ZNF555: variants seen among roughly 807,000 people sequenced by gnomAD.
The protein encoded by ZNF555 is zinc finger protein 555.
A neutral mutation model predicts 14.0 loss-of-function variants in ZNF555; 10 were observed. That is an observed-to-expected ratio of 0.72 (90% CI 0.44 to 1.21). The LOEUF (loss-of-function observed/expected upper bound fraction) is 1.21, where lower values mean the gene tolerates loss of function less well. Ranked by LOEUF, ZNF555 falls within the 50% of genes most tolerant of loss-of-function variation. The pLI, the probability that ZNF555 is intolerant of heterozygous loss-of-function variation, is 0.00. For synonymous variants in ZNF555, 277 were observed against 262.4 expected (o/e 1.06, Z -0.54); for missense variants, 747 against 762.0 (o/e 0.98, Z 0.23).
intron 3 of ZNF555, 93 bp downstream of exon 3, chr19:2,851,744 C>A: frequency 8.7e-7 from 1 of 1,149,406 alleles, no homozygotes; most frequent in Non-Finnish European, 1.2e-6. Flanking sequence ...AAAACTCATC[C>A]AAGCCTAGCT....
rs2087676381 is a variant in ZNF555 at position 2,855,556 on chromosome 19, C to CAAGAA, written c.*1612_*1616dup. ...ACGGGGAAAGACTCCATCACACAAG[C>CAAGAA]AAGAAAAGAAAAAAAAATCCTATTT... is the stretch of plus-strand genomic sequence containing the variant. On this transcript the variant is annotated 3_prime_UTR_variant, in exon 4 of 4. Transcript: ENST00000334241. The CAAGAA allele has an allele frequency of 6.6e-6, 1 of 151,198 alleles. No homozygotes were observed. The highest frequency in any genetic ancestry group is 1.5e-5 in the Non-Finnish European group (1 of 67,806). The allele number at this position is 151,198 out of a possible 1,614,324, so 9.4% of individuals were successfully genotyped here. A position where few individuals can be genotyped will look rare whatever the true frequency, so the allele number is the denominator to read the frequency against.
intron 1 of ZNF555, among the ~76,000 whole-genome samples, chr19:2,846,647 G>A (rs1006704105): frequency 2.6e-5 from 4 of 152,218 alleles, no homozygotes; most frequent in Admixed American, 2.0e-4. Context: ...AGTCCACGCC[G>A]TTGGGATCTG....
rs202164293 is a variant in ZNF555 at position 2,851,620 on chromosome 19, G to T, written c.283G>T (p.Asp95Tyr). 47 of 1,597,552 alleles carry T rather than the reference G, an allele frequency of 2.9e-5. No homozygotes were observed. The highest frequency in any genetic ancestry group is 3.8e-5 in the Non-Finnish European group (45 of 1,174,784). The change falls in exon 3 of 4, where the codon GAT becomes TAT. Residue 95 changes from aspartate to tyrosine, a missense_variant. By Grantham distance (160) the Asp-to-Tyr change is radical (BLOSUM62 -3). Coordinates refer to ENST00000334241, the MANE Select transcript of ZNF555 (RefSeq NM_152791.5). Reference sequence around the variant, plus strand: ...AATTTGGGACAGTCTTAGCATCGAAGATCAAACCACAAACCAGGGGAGAAA... The same window carrying T: ...AATTTGGGACAGTCTTAGCATCGAATATCAAACCACAAACCAGGGGAGAAA... ...GKIWDSLSIE[D>Y]QTTNQGRNLS...
chr19:2,847,263 C>T (rs2087589310), intron 1 of ZNF555: 1 of 152,186 alleles, frequency 6.6e-6, no homozygotes, highest in African/African-American at 2.4e-5. Context: ...CACCATAATT[C>T]AGTCTCTCCC....
intron 1 of ZNF555, among the ~76,000 whole-genome samples, chr19:2,846,902 C>G (rs1489978266): frequency 2.6e-5 from 4 of 152,196 alleles, no homozygotes; most frequent in Admixed American, 2.6e-4. Flanking sequence ...CTAGAAACTA[C>G]TACTTCACAT....
At chr19:2,849,727 A>G (rs551304792) in intron 1 of ZNF555, among the ~76,000 whole-genome samples, 33 of 151,402 alleles carry the variant, frequency 2.2e-4, no homozygotes, top group African/African-American at 7.8e-4. Flanking sequence ...ACCTCAAATG[A>G]TCTGCCTGCC....
chr19:2,855,833 T>G lies in ZNF555; in HGVS notation c.*1881T>G, dbSNP rs2087678806. 6.6e-6 allele frequency: 1 copy of G among 152,126 alleles called. No homozygotes were observed. The highest frequency in any genetic ancestry group is 2.4e-5 in the African/African-American group (1 of 41,420). The allele number at this position is 152,126 out of a possible 1,614,324, so 9.4% of individuals were successfully genotyped here. Reference sequence around the variant, plus strand: ...CATAACTCTAATTTTCACATGGCATTCTCCCTGTGTGTGTGTCTCTCCATG... The same window carrying G: ...CATAACTCTAATTTTCACATGGCATGCTCCCTGTGTGTGTGTCTCTCCATG... On this transcript the variant is annotated 3_prime_UTR_variant, in exon 4 of 4. Transcript: ENST00000334241.
Position 2,841,546 on chromosome 19 carries a change from C to G in ZNF555, c.-27C>G, listed in dbSNP as rs1284040513. The G allele has an allele frequency of 6.5e-7, 1 of 1,544,718 alleles. No homozygotes were observed. Among genetic ancestry groups the G allele is most frequent in the South Asian group, 1.2e-5 (1 of 83,904 alleles). ...CCGGTTCCTGTCGCGCTCACCTGCG[C>G]CGGTAGCGAAGAAATCGCCCCGGGA... On this transcript the variant is annotated 5_prime_UTR_variant, in exon 1 of 4. Transcript: ENST00000334241.
intron 1 of ZNF555, 112 bp downstream of exon 1, chr19:2,841,687 G>C (rs1485910700): frequency 3.1e-5 from 40 of 1,287,918 alleles, no homozygotes; most frequent in Non-Finnish European, 3.7e-5. Flanking sequence ...CGGCGAGGGC[G>C]GCGCAGGACG....
At chr19:2,849,483 C>CTTTT (rs113343627) in intron 1 of ZNF555, among the ~76,000 whole-genome samples, 2 of 132,082 alleles carry the variant, frequency 1.5e-5, no homozygotes, top group Admixed American at 7.8e-5. Context: ...AGCAATAATA[C>CTTTT]TTTTTTTTTT....
rs2087700151 is a variant in ZNF555, at chr19:2,858,186, TAAA to T, written c.*4239_*4241del. The T allele has an allele frequency of 6.6e-6, 1 of 151,976 alleles. No individual in the cohort carries two copies. The highest frequency in any genetic ancestry group is 6.6e-5 in the Admixed American group (1 of 15,226). The allele number at this position is 151,976 out of a possible 1,614,324, so 9.4% of individuals were successfully genotyped here. ...GCAAGACTGTCTCAAAAAATAAAAA[TAAA>T]AAAACAAGACTTCCCCCACCATCTT... On this transcript the variant is annotated 3_prime_UTR_variant, in exon 4 of 4. Transcript: ENST00000334241.
At chr19:2,844,803 A>G (rs1344821666) in intron 1 of ZNF555, among the ~76,000 whole-genome samples, 1 of 151,964 alleles carries the variant, frequency 6.6e-6, no homozygotes, top group Non-Finnish European at 1.5e-5. Flanking sequence ...TCCTGCGTCC[A>G]CCCCCTAGCC....
intron 1 of ZNF555, among the ~76,000 whole-genome samples, chr19:2,842,365 T>C (rs963897583): frequency 6.6e-6 from 1 of 152,048 alleles, no homozygotes; most frequent in African/African-American, 2.4e-5. Flanking sequence ...CTGAAAAGAC[T>C]AGAGAAACAA....
At position 2,854,103 on chromosome 19, in the gene ZNF555, C is replaced by G; in HGVS notation, c.*151C>G. The G allele has an allele frequency of 1.1e-6, 1 of 943,046 alleles. No homozygotes were observed. The highest frequency in any genetic ancestry group is 1.5e-6 in the Non-Finnish European group (1 of 650,668). The allele number at this position is 943,046 out of a possible 1,614,324, so 58.4% of individuals were successfully genotyped here. A position where few individuals can be genotyped will look rare whatever the true frequency, so the allele number is the denominator to read the frequency against. Reference sequence around the variant, plus strand: ...CTTACGATTCAGTAAATAAAACTTTCATCTTAGAGTGTTTTGGACTCATGG... The same window carrying G: ...CTTACGATTCAGTAAATAAAACTTTGATCTTAGAGTGTTTTGGACTCATGG... On this transcript the variant is annotated 3_prime_UTR_variant, in exon 4 of 4. Transcript: ENST00000334241.
chr19:2,852,916 A>G lies in ZNF555; in HGVS notation c.851A>G (p.Tyr284Cys). 1 of 1,614,228 alleles carries G rather than the reference A, an allele frequency of 6.2e-7. No individual in the cohort carries two copies. The highest frequency in any genetic ancestry group is 8.5e-7 in the Non-Finnish European group (1 of 1,180,040). The change falls in exon 4 of 4, where the codon TAT (tyrosine) becomes TGT (cysteine). Residue 284 changes from tyrosine to cysteine, a missense_variant. Physicochemically the swap from Tyr to Cys is radical, Grantham distance 194. Transcript: ENST00000334241. ...HTITHTGEKP[Y>C]KCKECAEAFS... is the part of the protein sequence containing the mutation. ...ATAACACACACTGGCGAGAAGCCAT[A>G]TAAATGTAAGGAATGTGCGGAAGCC...
At position 2,859,304 on chromosome 19, in the gene ZNF555, C is replaced by T. The variant is rs1299141523; in HGVS notation, c.*5352C>T. 2.0e-5 allele frequency: 3 copies of T among 152,278 alleles called. No individual in the cohort carries two copies. The highest frequency in any genetic ancestry group is 7.2e-5 in the African/African-American group (3 of 41,464). The allele number at this position is 152,278 out of a possible 1,614,324, so 9.4% of individuals were successfully genotyped here. Reference sequence around the variant, plus strand: ...GTGGCGGAAGCTCTCCTCTTGCCCTCTTCAGCTTCCGGTGTGGTGGGTCCC... The same window carrying T: ...GTGGCGGAAGCTCTCCTCTTGCCCTTTTCAGCTTCCGGTGTGGTGGGTCCC... On this transcript the variant is annotated 3_prime_UTR_variant, in exon 4 of 4. Coordinates refer to ENST00000334241, the MANE Select transcript of ZNF555 (RefSeq NM_152791.5).
At chr19:2,843,029 C>T (rs577407699) in intron 1 of ZNF555, among the ~76,000 whole-genome samples, 1 of 147,922 alleles carries the variant, frequency 6.8e-6, no homozygotes, top group Non-Finnish European at 1.5e-5. Context: ...GGTGACAGAG[C>T]GAGACTCCGT....
chr19:2,843,851 G>A (rs181258621), intron 1 of ZNF555, among the ~76,000 whole-genome samples: 24 of 152,146 alleles, frequency 1.6e-4, no homozygotes, highest in African/African-American at 5.3e-4. Context: ...TCAGGGCTGT[G>A]TCCCTTTACT....
At chr19:2,843,582 A>G (rs2087556925) in intron 1 of ZNF555, among the ~76,000 whole-genome samples, 1 of 152,240 alleles carries the variant, frequency 6.6e-6, no homozygotes, top group South Asian at 2.1e-4. Flanking sequence ...CAGATAAATT[A>G]TACAAATTTA....
Sources: allele counts gnomAD v4.1 joint callset (sites outside exome capture counted in the v4.1 genomes callset), GRCh38; gene constraint gnomAD v4.1.1; transcripts MANE v1.5; gene names NCBI Gene and HGNC (gene_info 2026-07-23, HGNC 2026-07-21).